The following PVT1 variants were observed in gnomAD, a reference collection of about 807,000 sequenced individuals.
The protein encoded by PVT1 is Pvt1 oncogene.
intron 6 of PVT1, among the ~76,000 whole-genome samples, chr8:128,098,272 A>T (rs1009425688): frequency 6.6e-6 from 1 of 152,126 alleles, no homozygotes; most frequent in African/African-American, 2.4e-5. Context: ...AGAGTGTCAC[A>T]AAGAACAGTG....
intron 4 of PVT1, among the ~76,000 whole-genome samples, chr8:128,050,388 G>A (rs969521722): frequency 6.6e-6 from 1 of 152,204 alleles, no homozygotes; most frequent in Non-Finnish European, 1.5e-5. Context: ...CAGGCTTGAA[G>A]TCAGACCTCT....
intron 3 of PVT1, among the ~76,000 whole-genome samples, chr8:127,914,758 T>G (rs1815960161): frequency 6.6e-6 from 1 of 151,828 alleles, no homozygotes; most frequent in Non-Finnish European, 1.5e-5. Flanking sequence ...GAAAGCAGAT[T>G]AATGGTTGCT....
intron 4 of PVT1, among the ~76,000 whole-genome samples, chr8:128,022,806 C>A (rs1230487690): frequency 6.6e-6 from 1 of 151,830 alleles, no homozygotes; most frequent in Non-Finnish European, 1.5e-5. Flanking sequence ...TTCCCTGTAT[C>A]TCATTCTGGA....
In PVT1 at chr8:127,944,770, A is replaced by G. The variant is rs569453549; in HGVS notation, n.783-44392A>G. 2.0e-5 allele frequency among the ~76,000 whole-genome samples: 3 copies of G among 152,244 alleles called. No homozygotes were observed. In the East Asian group the frequency reaches 5.8e-4, roughly 30 times the overall value. ...AGCCCGGCCCCTTTGAAGTGGTTTT[A>G]AGACCAATTTGGTAACTTGATTTGG... On this transcript the variant is annotated intron_variant and non_coding_transcript_variant, in intron 3 of 10. Transcript: ENST00000651587.
At chr8:127,867,543 C>A (rs1237404797) in intron 2 of PVT1, among the ~76,000 whole-genome samples, 8 of 152,202 alleles carry the variant, frequency 5.3e-5, no homozygotes, top group Admixed American at 3.9e-4. Flanking sequence ...AGCACTTACT[C>A]CCTGCTTTTC....
At chr8:127,854,160 T>TTC (rs3040881) in intron 2 of PVT1, among the ~76,000 whole-genome samples, 104,629 of 151,986 alleles carry the variant, frequency 0.69, 36,737 homozygotes, top group African/African-American at 0.83. Flanking sequence ...GGCTCCTGTT[T>TTC]TGCCTGTTTA....
intron 3 of PVT1, among the ~76,000 whole-genome samples, chr8:127,897,088 A>G (rs2098384167): frequency 2.0e-5 from 3 of 152,146 alleles, no homozygotes; most frequent in African/African-American, 7.2e-5. Context: ...GTGGAATTCC[A>G]AAGTTAATGA....
At chr8:128,077,666 G>A (rs908849430) in intron 5 of PVT1, among the ~76,000 whole-genome samples, 6 of 152,152 alleles carry the variant, frequency 3.9e-5, no homozygotes, top group Admixed American at 6.5e-5. Context: ...AATGGTGATC[G>A]TTTCCATTTA....
intron 3 of PVT1, among the ~76,000 whole-genome samples, chr8:127,958,326 G>A: frequency 6.6e-6 from 1 of 151,636 alleles, no homozygotes; most frequent in Non-Finnish European, 1.5e-5. Context: ...TGCAACCTCC[G>A]CCTCCTGGGT....
chr8:127,853,696 G>A (rs1360228366), intron 2 of PVT1, among the ~76,000 whole-genome samples: 4 of 151,884 alleles, frequency 2.6e-5, no homozygotes, highest in South Asian at 4.2e-4. Context: ...CAGGAGAATC[G>A]CTCCAACCTG....
At chr8:128,033,500 T>G (rs1197945257) in intron 4 of PVT1, among the ~76,000 whole-genome samples, 1 of 152,200 alleles carries the variant, frequency 6.6e-6, no homozygotes, top group South Asian at 2.1e-4. Flanking sequence ...GCCACAGGCT[T>G]TCCACAAGCT....
chr8:127,961,649 G>A lies in PVT1; in HGVS notation n.783-27513G>A, dbSNP rs114692342. Among the ~76,000 whole-genome samples the A allele has an allele frequency of 4.4e-3, 677 of 152,308 alleles. 8 individuals carry two copies. Among genetic ancestry groups the A allele is most frequent in the African/African-American group, 0.016 (654 of 41,562 alleles). On this transcript the variant is annotated intron_variant and non_coding_transcript_variant, in intron 3 of 10. Transcript: ENST00000651587. ...AGGCTGGAAATGTATAACCTTGTCC[G>A]TACCACTGAGCACCTGTTACCCATA...
intron 3 of PVT1, among the ~76,000 whole-genome samples, chr8:127,979,593 A>G (rs1221423887): frequency 6.6e-6 from 1 of 152,228 alleles, no homozygotes; most frequent in African/African-American, 2.4e-5. Flanking sequence ...AGTTGGGCAG[A>G]GGGAGAAGTG....
intron 4 of PVT1, among the ~76,000 whole-genome samples, chr8:128,000,727 G>A (rs1817166900): frequency 6.6e-6 from 1 of 152,206 alleles, no homozygotes; most frequent in Admixed American, 6.5e-5. Flanking sequence ...GTTGATTTTA[G>A]TGTGTAGGGC....
intron 3 of PVT1, among the ~76,000 whole-genome samples, chr8:127,926,288 G>A (rs1195179550): frequency 1.3e-5 from 2 of 152,216 alleles, no homozygotes; most frequent in Admixed American, 1.3e-4. Flanking sequence ...GCATCGCACA[G>A]TCCCTCCGTT....
chr8:128,084,875 A>G (rs1313571990), intron 5 of PVT1, among the ~76,000 whole-genome samples: 1 of 152,198 alleles, frequency 6.6e-6, no homozygotes, highest in East Asian at 1.9e-4. Context: ...TGGTTTAAAA[A>G]TCCTATTCAT....
At chr8:127,979,181 T>C (rs1201078070) in intron 3 of PVT1, among the ~76,000 whole-genome samples, 1 of 152,270 alleles carries the variant, frequency 6.6e-6, no homozygotes, top group East Asian at 1.9e-4. Context: ...ACAGAAGTTT[T>C]ACCAAACTCC....
At chr8:127,832,677 T>A (rs539381804) in intron 2 of PVT1, among the ~76,000 whole-genome samples, 2 of 152,168 alleles carry the variant, frequency 1.3e-5, no homozygotes, top group South Asian at 4.2e-4. Context: ...GCTAACATGG[T>A]GAAACCCCAT....
intron 2 of PVT1, among the ~76,000 whole-genome samples, chr8:127,872,181 G>A (rs528066538): frequency 7.9e-5 from 12 of 152,176 alleles, no homozygotes; most frequent in African/African-American, 2.4e-4. Context: ...TGGAGAGGCC[G>A]AGGCAGGCAG....
Sources: gnomAD v4.1 joint callset for allele counts (sites outside exome capture counted in the v4.1 genomes callset) on GRCh38, gnomAD v4.1.1 for gene constraint, MANE v1.5 for transcripts, NCBI Gene and HGNC (gene_info 2026-07-23, HGNC 2026-07-21) for gene names.